SMIM31: variants seen among roughly 807,000 people sequenced by gnomAD.
SMIM31 encodes small integral membrane protein 31, also known as human epithelial cell program regulator.
chr4:164,783,217 C>CAA (rs753365487), intron 2 of SMIM31, among the ~76,000 whole-genome samples: 2 of 32,858 alleles, frequency 6.1e-5, no homozygotes, highest in Non-Finnish European at 1.5e-4. Context: ...GACTCTGTCT[C>CAA]AAAAAAAAAA....
intron 2 of SMIM31, among the ~76,000 whole-genome samples, chr4:164,798,538 G>T (rs1020056368): frequency 6.6e-6 from 1 of 152,184 alleles, no homozygotes. Context: ...ACCACACCTG[G>T]CCTGATATAA....
At chr4:164,771,216 G>T (rs1039834468) in intron 2 of SMIM31, among the ~76,000 whole-genome samples, 1 of 152,166 alleles carries the variant, frequency 6.6e-6, no homozygotes, top group Non-Finnish European at 1.5e-5. Flanking sequence ...ACAAAAAGCC[G>T]CAGTAAATAG....
chr4:164,794,895 A>C (rs765873472), intron 2 of SMIM31, among the ~76,000 whole-genome samples: 2 of 151,420 alleles, frequency 1.3e-5, no homozygotes, highest in East Asian at 1.9e-4. Context: ...AAGTATAAAA[A>C]TATTTTTTAA....
At chr4:164,776,992 G>T (rs1382031585) in intron 2 of SMIM31, among the ~76,000 whole-genome samples, 1 of 152,142 alleles carries the variant, frequency 6.6e-6, no homozygotes, top group Non-Finnish European at 1.5e-5. Flanking sequence ...GGATCTCATG[G>T]ACTTGTATAT....
intron 2 of SMIM31, among the ~76,000 whole-genome samples, chr4:164,782,528 C>A (rs774317311): frequency 4.3e-4 from 64 of 149,280 alleles, no homozygotes; most frequent in Non-Finnish European, 7.7e-4. Flanking sequence ...ACAGGCGCCC[C>A]CCACCACGCC....
At chr4:164,780,398 G>T (rs1021784563) in intron 2 of SMIM31, among the ~76,000 whole-genome samples, 1 of 152,224 alleles carries the variant, frequency 6.6e-6, no homozygotes, top group East Asian at 1.9e-4. Flanking sequence ...CTGCACTCCA[G>T]CCTGGGTGAC....
rs192970005 is a variant in SMIM31 at position 164,754,911 on chromosome 4, C to T, written c.-26+500C>T. On this transcript the variant is annotated intron_variant, in intron 1 of 2. Coordinates refer to ENST00000507311, the MANE Select transcript of SMIM31 (RefSeq NM_001352885.1). ...TTTAAGGTTAAAAGCAGATAAATGA[C>T]GGTATTTCCTCCTGAGTATGATAGA... Among the ~76,000 whole-genome samples the T allele has an allele frequency of 1.2e-3, 172 of 148,988 alleles. 1 individual carries two copies. The highest frequency in any genetic ancestry group is 6.0e-3 in the South Asian group (28 of 4,692).
At chr4:164,773,029 TAAAAAAAAAAAAAA>T (rs56863708) in intron 2 of SMIM31, among the ~76,000 whole-genome samples, 2 of 76,670 alleles carry the variant, frequency 2.6e-5, no homozygotes, top group Non-Finnish European at 4.8e-5. Flanking sequence ...CACTTGGCTT[TAAAAAAAAAAAAAA>T]AAAAAAAAAA....
chr4:164,773,409 TCA>T (rs1294653903), intron 2 of SMIM31, among the ~76,000 whole-genome samples: 2 of 152,220 alleles, frequency 1.3e-5, no homozygotes, highest in African/African-American at 4.8e-5. Context: ...TCTAATTGAC[TCA>T]CAGTTCAGCA....
chr4:164,785,045 A>G (rs13133317), intron 2 of SMIM31, among the ~76,000 whole-genome samples: 92,451 of 151,076 alleles, frequency 0.61, 29,389 homozygotes, highest in African/African-American at 0.78. Context: ...GCAACGTGGC[A>G]AAACCTTGTC....
rs1579064279 is a variant in SMIM31 at position 164,770,866 on chromosome 4, T to C, written c.112+311T>C. 3.3e-5 allele frequency among the ~76,000 whole-genome samples: 5 copies of C among 152,244 alleles called. No homozygotes were observed. In the South Asian group the frequency reaches 1.0e-3, roughly 32 times the overall value. On this transcript the variant is annotated intron_variant, in intron 2 of 2. Coordinates refer to ENST00000507311, the MANE Select transcript of SMIM31 (RefSeq NM_001352885.1). ...TAAAAACAATTGTTAATAAGAGAAG[T>C]GTATAATTTAAAGGATTGTGCCCAC...
chr4:164,790,998 T>C (rs188039202), intron 2 of SMIM31, among the ~76,000 whole-genome samples: 1 of 152,350 alleles, frequency 6.6e-6, no homozygotes, highest in Admixed American at 6.5e-5. Flanking sequence ...AGGCTAGCAC[T>C]GAAGCTGAAA....
intron 2 of SMIM31, among the ~76,000 whole-genome samples, chr4:164,792,925 AC>A (rs1297890362): frequency 3.9e-5 from 6 of 152,188 alleles, no homozygotes; most frequent in African/African-American, 1.4e-4. Flanking sequence ...ACAGAAAAAA[AC>A]ATACCAATGG....
chr4:164,785,664 A>C (rs959143256), intron 2 of SMIM31, among the ~76,000 whole-genome samples: 1 of 151,890 alleles, frequency 6.6e-6, no homozygotes, highest in Non-Finnish European at 1.5e-5. Context: ...ATATATATAT[A>C]TATCTTTAAC....
At chr4:164,790,026 T>C in intron 2 of SMIM31, among the ~76,000 whole-genome samples, 1 of 152,228 alleles carries the variant, frequency 6.6e-6, no homozygotes, top group South Asian at 2.1e-4. Context: ...CTTTCCTTTC[T>C]TCAGGTTATG....
intron 2 of SMIM31, among the ~76,000 whole-genome samples, chr4:164,797,566 C>T (rs542802272): frequency 1.9e-4 from 28 of 149,552 alleles, no homozygotes; most frequent in African/African-American, 4.7e-4. Flanking sequence ...CAGGTTCAAG[C>T]GATTCTCCTG....
At chr4:164,782,064 G>T (rs1004405100) in intron 2 of SMIM31, among the ~76,000 whole-genome samples, 1 of 152,088 alleles carries the variant, frequency 6.6e-6, no homozygotes, top group Non-Finnish European at 1.5e-5. Flanking sequence ...GTTGAGGCGG[G>T]TGGATCACCT....
intron 2 of SMIM31, among the ~76,000 whole-genome samples, 151 bp downstream of exon 2, chr4:164,770,706 G>A (rs1373564124): frequency 6.6e-6 from 1 of 152,130 alleles, no homozygotes; most frequent in East Asian, 1.9e-4. Context: ...GTGTGTATGT[G>A]TGTTCATTCA....
intron 2 of SMIM31, among the ~76,000 whole-genome samples, chr4:164,781,917 G>C (rs1732954610): frequency 6.6e-6 from 1 of 152,188 alleles, no homozygotes; most frequent in Non-Finnish European, 1.5e-5. Flanking sequence ...GCACAAGCCA[G>C]AATCTTGTTC....
Sources: gnomAD v4.1 joint callset for allele counts (sites outside exome capture counted in the v4.1 genomes callset) on GRCh38, gnomAD v4.1.1 for gene constraint, MANE v1.5 for transcripts, NCBI Gene and HGNC (gene_info 2026-07-23, HGNC 2026-07-21) for gene names.